The following ARMH4 variants were observed in gnomAD, a reference collection of about 807,000 sequenced individuals.
The protein encoded by ARMH4 is armadillo-like helical domain-containing protein 4.
In ARMH4, 49 loss-of-function variants were observed where a neutral mutation model predicts 61.9. The observed-to-expected ratio is 0.79, with a 90% confidence interval of 0.63 to 1.00. The LOEUF (loss-of-function observed/expected upper bound fraction) is 1.00. ARMH4 is among the 50% of genes least tolerant of loss of function. The pLI is 0.00. For synonymous variants in ARMH4, 368 were observed against 341.5 expected (o/e 1.08, Z -0.85); for missense variants, 934 against 930.0 (o/e 1.00, Z -0.06).
chr14:58,131,446 CA>C (rs1887091099), intron 4 of ARMH4, 65 bp downstream of exon 4: 1 of 1,338,870 alleles, frequency 7.5e-7, no homozygotes, highest in South Asian at 1.3e-5. Context: ...AATTCTTTTT[CA>C]AAAACATTTG....
intron 1 of ARMH4, among the ~76,000 whole-genome samples, chr14:58,140,713 C>T (rs969548630): frequency 6.6e-6 from 1 of 152,014 alleles, no homozygotes; most frequent in Non-Finnish European, 1.5e-5. Flanking sequence ...CCAGCCTGGC[C>T]AACATGGTGA....
chr14:58,107,252 C>T (rs1487417422), intron 4 of ARMH4, among the ~76,000 whole-genome samples: 1 of 152,150 alleles, frequency 6.6e-6, no homozygotes, highest in Admixed American at 6.5e-5. Flanking sequence ...ACAATGACGG[C>T]AGGAAGATCC....
intron 5 of ARMH4, among the ~76,000 whole-genome samples, chr14:58,094,588 C>T (rs1885685926): frequency 6.6e-6 from 1 of 152,096 alleles, no homozygotes. Flanking sequence ...CATGTGTGTA[C>T]ATGTGTGTAT....
chr14:58,089,693 G>T (rs2141253638), intron 5 of ARMH4, among the ~76,000 whole-genome samples: 1 of 152,334 alleles, frequency 6.6e-6, no homozygotes, highest in Middle Eastern at 3.4e-3. Context: ...ACGTATCAAT[G>T]CAAAGGAAGG....
intron 5 of ARMH4, among the ~76,000 whole-genome samples, chr14:58,093,905 C>T (rs1243813222): frequency 6.6e-6 from 1 of 151,832 alleles, no homozygotes; most frequent in African/African-American, 2.4e-5. Context: ...GAAGCAACAG[C>T]AGAAAGTAAG....
At chr14:58,041,297 G>A (rs763883551) in intron 5 of ARMH4, among the ~76,000 whole-genome samples, 3 of 152,008 alleles carry the variant, frequency 2.0e-5, no homozygotes, top group African/African-American at 7.2e-5. Context: ...CTTAGCAAAC[G>A]GCACACCAGG....
intron 5 of ARMH4, among the ~76,000 whole-genome samples, chr14:58,080,581 T>C (rs1885189685): frequency 1.3e-5 from 2 of 152,064 alleles, no homozygotes; most frequent in African/African-American, 4.8e-5. Flanking sequence ...CACTGGGGAC[T>C]ACTAGAAGGG....
rs150179487 is a variant in ARMH4, at chr14:58,145,882, C to T, written c.-57+6193G>A. Among the ~76,000 whole-genome samples, 26 of 152,302 alleles carry T rather than the reference C, an allele frequency of 1.7e-4. No individual in the cohort carries two copies. In the East Asian group the frequency reaches 4.8e-3, roughly 28 times the overall value. On this transcript the variant is annotated intron_variant, in intron 1 of 7. Coordinates refer to ENST00000267485, the MANE Select transcript of ARMH4 (RefSeq NM_001001872.4). ...AGCCTGTAAAAAGAATAACAGAAAACACGTCTGGAACTCAGATAAACTGAT... is the reference window on the plus strand; with the variant it reads ...AGCCTGTAAAAAGAATAACAGAAAATACGTCTGGAACTCAGATAAACTGAT...
intron 5 of ARMH4, among the ~76,000 whole-genome samples, chr14:58,014,897 T>C (rs1293546454): frequency 1.3e-5 from 2 of 152,024 alleles, no homozygotes; most frequent in African/African-American, 2.4e-5. Flanking sequence ...AGGGACTCAG[T>C]TGGGTATTAT....
At chr14:58,120,022 T>G (rs1053754715) in intron 4 of ARMH4, among the ~76,000 whole-genome samples, 1 of 152,174 alleles carries the variant, frequency 6.6e-6, no homozygotes, top group African/African-American at 2.4e-5. Context: ...AATGTGTCAT[T>G]AGGCGATTTC....
intron 4 of ARMH4, among the ~76,000 whole-genome samples, chr14:58,100,743 T>C (rs1346731725): frequency 6.6e-6 from 1 of 152,124 alleles, no homozygotes; most frequent in Non-Finnish European, 1.5e-5. Flanking sequence ...CCCTTCCTTC[T>C]CCTGGAGTGC....
chr14:58,138,994 G>T lies in ARMH4; in HGVS notation c.365C>A (p.Ala122Asp). The change falls in exon 2 of 8, where the codon GCT becomes GAT. Residue 122 changes from alanine to aspartate, a missense_variant. By Grantham distance (126) the Ala-to-Asp change is moderately radical. Coordinates refer to ENST00000267485, the MANE Select transcript of ARMH4 (RefSeq NM_001001872.4). The stretch of plus-strand genomic sequence containing the variant: ...CTGGCTGGAACCAAATACTTCTTCA[G>T]CTGAGGGGACACCTGACTCAGTAGG... ...STPTESGVPS[A>D]EEVFGSSQPE... 1 of 1,614,224 alleles carries T rather than the reference G, an allele frequency of 6.2e-7. No homozygotes were observed. The highest frequency in any genetic ancestry group is 8.5e-7 in the Non-Finnish European group (1 of 1,180,042).
At chr14:58,048,697 G>A (rs554398554) in intron 5 of ARMH4, among the ~76,000 whole-genome samples, 21 of 152,334 alleles carry the variant, frequency 1.4e-4, no homozygotes, top group African/African-American at 4.8e-4. Context: ...CAAAGAATGT[G>A]AGTATAAGCA....
chr14:58,109,922 A>G (rs1886294614), intron 4 of ARMH4, among the ~76,000 whole-genome samples: 1 of 152,176 alleles, frequency 6.6e-6, no homozygotes, highest in South Asian at 2.1e-4. Flanking sequence ...CGTTCTTCAC[A>G]AGGTGGCAGG....
intron 4 of ARMH4, among the ~76,000 whole-genome samples, chr14:58,130,565 T>G (rs1183978766): frequency 6.6e-6 from 1 of 152,170 alleles, no homozygotes; most frequent in African/African-American, 2.4e-5. Context: ...ACTATTCACC[T>G]GCCAAAATGC....
At position 58,138,146 on chromosome 14, in the gene ARMH4, C is replaced by A; in HGVS notation, c.1213G>T (p.Glu405Ter). ...TTCACAATGGAAACTTTCATGTCTT[C>A]CATCAGACTTGTGGGGGTAAAGGAA... ...QSSFTPTSLM[E>*]DMKVSIVNLL... The change falls in exon 2 of 8, where the codon GAA becomes TAA. Residue 405 changes from glutamate to a stop codon, truncating the protein, a stop_gained. Coordinates refer to ENST00000267485, the MANE Select transcript of ARMH4 (RefSeq NM_001001872.4). LOFTEE classifies it high-confidence loss of function. 6.2e-7 allele frequency: 1 copy of A among 1,614,190 alleles called. No homozygotes were observed. Among genetic ancestry groups the A allele is most frequent in the Non-Finnish European group, 8.5e-7 (1 of 1,180,042 alleles).
chr14:58,117,019 A>G (rs1247797283), intron 4 of ARMH4, among the ~76,000 whole-genome samples: 1 of 152,114 alleles, frequency 6.6e-6, no homozygotes, highest in African/African-American at 2.4e-5. Context: ...CAGCACAACC[A>G]CAGCTCACTG....
intron 6 of ARMH4, among the ~76,000 whole-genome samples, chr14:58,009,205 A>G (rs569928047): frequency 3.9e-5 from 6 of 152,322 alleles, no homozygotes; most frequent in African/African-American, 1.4e-4. Context: ...CAAGAAGATG[A>G]TATGTCAGTG....
intron 5 of ARMH4, among the ~76,000 whole-genome samples, chr14:58,039,702 C>T (rs148212873): frequency 8.9e-4 from 135 of 152,282 alleles, no homozygotes; most frequent in African/African-American, 2.6e-3. Flanking sequence ...GTGAAGGATA[C>T]ACAAAGTTAA....
Sources: allele counts gnomAD v4.1 joint callset (sites outside exome capture counted in the v4.1 genomes callset), GRCh38; gene constraint gnomAD v4.1.1; transcripts MANE v1.5; gene names NCBI Gene and HGNC (gene_info 2026-07-23, HGNC 2026-07-21).